The following DNAH17 variants were observed in gnomAD, a reference collection of about 807,000 sequenced individuals.
DNAH17 encodes dynein axonemal heavy chain 17.
DNAH17 carries 376 observed loss-of-function variants against 485.6 expected under a neutral mutation model. The observed-to-expected ratio is 0.77, with a 90% CI of 0.71 to 0.84. The LOEUF is 0.84. Among genes scored for constraint, DNAH17 ranks in the 40% least tolerant of loss-of-function variants. DNAH17 has a pLI of 0.00. For synonymous variants in DNAH17, 3,031 were observed against 2,405.9 expected (o/e 1.26, Z -7.60); for missense variants, 6,370 against 5,839.3 (o/e 1.09, Z -2.96).
chr17:78,545,044 G>A (rs899460447), intron 16 of DNAH17, among the ~76,000 whole-genome samples: 3 of 151,562 alleles, frequency 2.0e-5, no homozygotes, highest in Non-Finnish European at 2.9e-5. Context: ...TCCTCCTCAC[G>A]GCTGCCTCTG....
In DNAH17 at chr17:78,569,538, G is replaced by A; in HGVS notation, c.1045-11C>T. ...CAGGAAGGTTCGTGTCTGGGCAAAA[G>A]AGAAGACAGACATCTAAAGCTCCGA... is the stretch of plus-strand genomic sequence containing the variant. On this transcript the variant is annotated splice_polypyrimidine_tract_variant and intron_variant, in intron 7 of 80. Transcript: ENST00000389840. 1.3e-6 allele frequency: 2 copies of A among 1,598,378 alleles called. No individual in the cohort carries two copies. Among genetic ancestry groups the A allele is most frequent in the Non-Finnish European group, 1.7e-6 (2 of 1,172,796 alleles).
Position 78,453,423 on chromosome 17 carries a change from G to C in DNAH17, c.10449C>G (p.Thr3483=), listed in dbSNP as rs2289751. The change falls in exon 65 of 81, where the codon ACC becomes ACG. Residue 3483 remains threonine (T), a synonymous_variant. Transcript: ENST00000389840. ...VIEQAISEGD[T]LLIENIGETV... is the part of the protein sequence containing the mutation. ...TTTCGCCGATGTTCTCAATGAGCAA[G>C]GTGTCCCCTTCCGAGATGGCCTGCT... The C allele has an allele frequency of 0.54, 875,646 of 1,613,054 alleles. 241,327 individuals are homozygous for C. Among genetic ancestry groups the C allele is most frequent in the Middle Eastern group, 0.64 (3,896 of 6,060 alleles).
rs1157464118 is a variant in DNAH17, at chr17:78,446,173, CAAA to C, written c.11212-496_11212-494del. Among the ~76,000 whole-genome samples the C allele has an allele frequency of 3.0e-3, 173 of 57,382 alleles. 3 individuals are homozygous for C. The East Asian group carries it at 0.045, about 15-fold the overall frequency. 37.6% of individuals were successfully genotyped at this position (57,382 alleles called of 152,430 possible). ...TGGGCAACAGAGTGAGACTCTGTCTCAAAAAAAAAAAAAAAAAAAAAAAAATTG... is the reference window on the plus strand; with the variant it reads ...TGGGCAACAGAGTGAGACTCTGTCTCAAAAAAAAAAAAAAAAAAAAAATTG... On this transcript the variant is annotated intron_variant, in intron 69 of 80. Transcript: ENST00000389840.
intron 14 of DNAH17, among the ~76,000 whole-genome samples, chr17:78,556,418 G>T (rs2092024968): frequency 6.6e-6 from 1 of 152,198 alleles, no homozygotes; most frequent in Admixed American, 6.5e-5. Flanking sequence ...GAATGAAACA[G>T]ATCCAGGACT....
At chr17:78,565,995 C>T (rs761605361) in intron 11 of DNAH17, among the ~76,000 whole-genome samples, 15 of 151,978 alleles carry the variant, frequency 9.9e-5, no homozygotes, top group Non-Finnish European at 1.8e-4. Context: ...AAAAAACAAA[C>T]AAACCCCTTA....
In DNAH17 at chr17:78,462,831, C is replaced by A. The variant is rs925626395; in HGVS notation, c.9174+13G>T. On this transcript the variant is annotated intron_variant, in intron 57 of 80. Coordinates refer to ENST00000389840, the MANE Select transcript of DNAH17 (RefSeq NM_173628.4). ...AACGGCACAGGAGCTGGCAGCCAGC[C>A]CCCCTCTCCTACCTGGGAAGCCGTG... 1.1e-5 allele frequency: 18 copies of A among 1,613,358 alleles called. No individual in the cohort carries two copies. Among genetic ancestry groups the A allele is most frequent in the Non-Finnish European group, 1.5e-5 (18 of 1,179,648 alleles).
At chr17:78,536,698 G>A (rs1347496194) in intron 19 of DNAH17, among the ~76,000 whole-genome samples, 1 of 151,802 alleles carries the variant, frequency 6.6e-6, no homozygotes, top group Non-Finnish European at 1.5e-5. Flanking sequence ...TTACAGGACT[G>A]AGTGAACAGT....
chr17:78,475,944 G>T, intron 52 of DNAH17, 111 bp from the exon 53 acceptor site: 1 of 1,260,134 alleles, frequency 7.9e-7, no homozygotes, highest in Non-Finnish European at 1.1e-6. Context: ...TCACCACGGG[G>T]TCCCAGGCCA....
intron 11 of DNAH17, 59 bp downstream of exon 11, chr17:78,566,555 T>C (rs1050621516): frequency 3.2e-6 from 4 of 1,257,088 alleles, no homozygotes; most frequent in Admixed American, 4.0e-5. Context: ...GTTCTCGACA[T>C]GAATCCACCA....
At chr17:78,485,191 G>A (rs1421787253) in intron 47 of DNAH17, 158 bp from the exon 48 acceptor site, 6 of 913,898 alleles carry the variant, frequency 6.6e-6, no homozygotes, top group Non-Finnish European at 9.6e-6. Context: ...GCCCTTGAGG[G>A]GGCACCGGGT....
At chr17:78,479,208 A>T in intron 50 of DNAH17, 92 bp from the exon 51 acceptor site, 1 of 1,293,614 alleles carries the variant, frequency 7.7e-7, no homozygotes, top group Non-Finnish European at 1.1e-6. Flanking sequence ...TGGACTACGA[A>T]ATGGTGACAA....
At chr17:78,559,896 G>T (rs1048442026) in intron 13 of DNAH17, among the ~76,000 whole-genome samples, 8 of 152,110 alleles carry the variant, frequency 5.3e-5, no homozygotes, top group Non-Finnish European at 5.9e-5. Flanking sequence ...TTACCCGCAT[G>T]CCGTGCTGCA....
intron 51 of DNAH17, among the ~76,000 whole-genome samples, chr17:78,477,942 TCACCATTATCATCTCCACCATCAC>T (rs1338126921): frequency 6.9e-6 from 1 of 144,898 alleles, no homozygotes; most frequent in African/African-American, 2.6e-5. Context: ...ATCACCACCA[TCACCATTATCATCTCCACCATCAC>T]CACCACCATC....
chr17:78,428,410 G>T, intron 77 of DNAH17, 115 bp downstream of exon 77: 5 of 1,295,504 alleles, frequency 3.9e-6, no homozygotes, highest in South Asian at 1.3e-5. Context: ...CAAGGCTGGG[G>T]CAGAGTGTAC....
chr17:78,509,688 A>G (rs911399040), intron 27 of DNAH17, among the ~76,000 whole-genome samples: 4 of 152,148 alleles, frequency 2.6e-5, no homozygotes, highest in African/African-American at 9.7e-5. Context: ...GCTGGGGGCC[A>G]TCCCCCACCC....
chr17:78,463,198 G>A, intron 56 of DNAH17, 121 bp from the exon 57 acceptor site: 1 of 827,764 alleles, frequency 1.2e-6, no homozygotes, highest in Non-Finnish European at 1.9e-6. Context: ...CAACCTCAGT[G>A]TCTTCAACTG....
Position 78,490,865 on chromosome 17 carries a change from GCCCGTGGGGT to G in DNAH17, c.6670-28_6670-19del, listed in dbSNP as rs1299841531. The G allele has an allele frequency of 6.3e-7, 1 of 1,581,108 alleles. No individual in the cohort carries two copies. Among genetic ancestry groups the G allele is most frequent in the African/African-American group, 1.3e-5 (1 of 74,270 alleles). The stretch of plus-strand genomic sequence containing the variant: ...GTGAGGACCTAGGAGGGGGACAGCA[GCCCGTGGGGT>G]CCTAAGGCGACACCTGCCATCCCAA... On this transcript the variant is annotated intron_variant, in intron 43 of 80. Transcript: ENST00000389840.
At chr17:78,498,902 A>C (rs2090170993) in intron 37 of DNAH17, 106 bp downstream of exon 37, 1 of 837,700 alleles carries the variant, frequency 1.2e-6, no homozygotes, top group South Asian at 2.1e-5. Context: ...CGGTGCTTGG[A>C]ACGTTGCAGA....
intron 2 of DNAH17, 103 bp from the exon 3 acceptor site, chr17:78,572,997 G>A (rs1882740833): frequency 1.8e-6 from 2 of 1,082,766 alleles, no homozygotes; most frequent in South Asian, 1.6e-5. Context: ...GGTGTCTGGA[G>A]CCCTGGGAAA....
Sources: allele counts gnomAD v4.1 joint callset (sites outside exome capture counted in the v4.1 genomes callset), GRCh38; gene constraint gnomAD v4.1.1; transcripts MANE v1.5; gene names NCBI Gene and HGNC (gene_info 2026-07-23, HGNC 2026-07-21).